The following HDAC8 variants were observed in gnomAD, a reference collection of about 807,000 sequenced individuals.
HDAC8 encodes histone deacetylase-like 1.
A neutral mutation model predicts 32.2 loss-of-function variants in HDAC8; 1 was observed. That is an observed-to-expected ratio of 0.03 (90% CI 0.01 to 0.15). The LOEUF (loss-of-function observed/expected upper bound fraction) is 0.15, where lower values mean the gene tolerates loss of function less well. Among genes scored for constraint, HDAC8 ranks in the 10% least tolerant of loss-of-function variants. The pLI is 1.00. For missense variants in HDAC8, 117 were observed against 300.0 expected (o/e 0.39, Z 4.51); for synonymous variants, 108 against 113.9 (o/e 0.95, Z 0.33).
At chrX:72,511,612 TG>T (rs1374588651) in intron 4 of HDAC8, among the ~76,000 whole-genome samples, 10 of 111,946 alleles carry the variant, frequency 8.9e-5, no homozygotes, top group Non-Finnish European at 1.9e-4. Context: ...TAGGAGGAAA[TG>T]CCATTGTGTT....
chrX:72,567,585 T>C (rs1454133842), intron 4 of HDAC8: 1 of 495,018 alleles, frequency 2.0e-6, no homozygotes, highest in Non-Finnish European at 3.4e-6. Flanking sequence ...GACTGTCTAG[T>C]TGTATCCTTT....
chrX:72,403,277 A>G (rs2045954048), intron 9 of HDAC8, among the ~76,000 whole-genome samples: 2 of 110,998 alleles, frequency 1.8e-5, no homozygotes, highest in Non-Finnish European at 3.8e-5. Flanking sequence ...TAACATTTTA[A>G]TTCATAATTT....
At chrX:72,404,176 C>A (rs1223152204) in intron 9 of HDAC8, among the ~76,000 whole-genome samples, 2 of 110,736 alleles carry the variant, frequency 1.8e-5, no homozygotes, top group Non-Finnish European at 3.8e-5. Flanking sequence ...TGTGTTTTTG[C>A]TGCTTTATTG....
chrX:72,437,351 G>A (rs2046981606), intron 9 of HDAC8, among the ~76,000 whole-genome samples: 1 of 112,076 alleles, frequency 8.9e-6, no homozygotes, highest in Admixed American at 9.4e-5. Flanking sequence ...CCACAGACCA[G>A]GAGATTCCCT....
intron 4 of HDAC8, among the ~76,000 whole-genome samples, chrX:72,501,289 C>T (rs1417423534): frequency 2.7e-5 from 3 of 111,687 alleles, no homozygotes; most frequent in African/African-American, 9.8e-5. Flanking sequence ...TCATATGGAA[C>T]CAAAAAAGAG....
intron 4 of HDAC8, among the ~76,000 whole-genome samples, chrX:72,566,918 G>T (rs782151446): frequency 8.9e-6 from 1 of 111,925 alleles, no homozygotes; most frequent in South Asian, 3.8e-4. Flanking sequence ...GGCCAAGGCA[G>T]GCAGATCACC....
At chrX:72,382,955 A>T (rs1295855379) in intron 9 of HDAC8, among the ~76,000 whole-genome samples, 1 of 112,223 alleles carries the variant, frequency 8.9e-6, no homozygotes, top group African/African-American at 3.2e-5. Flanking sequence ...CTCTCCCCCT[A>T]AAAAAGCTCC....
At chrX:72,439,862 C>T (rs1357159561) in intron 9 of HDAC8, among the ~76,000 whole-genome samples, 2 of 111,326 alleles carry the variant, frequency 1.8e-5, no homozygotes, top group African/African-American at 3.3e-5. Context: ...TAGACTCCCA[C>T]ACAATAAAAG....
intron 9 of HDAC8, among the ~76,000 whole-genome samples, chrX:72,387,908 A>C: frequency 9.0e-6 from 1 of 110,809 alleles, no homozygotes; most frequent in Middle Eastern, 4.6e-3. Flanking sequence ...TGTGTGTCAG[A>C]TATTATAGGA....
intron 7 of HDAC8, chrX:72,473,642 G>C: frequency 2.7e-6 from 2 of 746,567 alleles, no homozygotes; most frequent in Non-Finnish European, 3.2e-6. Context: ...CAGAGTTTTT[G>C]CTCTAAACCA....
chrX:72,539,815 A>G (rs1239631590), intron 4 of HDAC8, among the ~76,000 whole-genome samples: 1 of 111,657 alleles, frequency 9.0e-6, no homozygotes, highest in African/African-American at 3.3e-5. Context: ...AGTGAGAACA[A>G]TGGATGATTA....
At chrX:72,480,585 A>G in intron 7 of HDAC8, 1 of 241,804 alleles carries the variant, frequency 4.1e-6, no homozygotes, top group Non-Finnish European at 7.7e-6. Context: ...AAGTCATTCT[A>G]CTATAAAGAC....
At chrX:72,400,392 CT>C (rs1217369825) in intron 9 of HDAC8, among the ~76,000 whole-genome samples, 1 of 111,874 alleles carries the variant, frequency 8.9e-6, no homozygotes, top group Non-Finnish European at 1.9e-5. Flanking sequence ...CCAAACTGAA[CT>C]CTTTATCATC....
At chrX:72,494,521 G>C (rs1221723708) in intron 5 of HDAC8, among the ~76,000 whole-genome samples, 1 of 111,528 alleles carries the variant, frequency 9.0e-6, no homozygotes, top group Non-Finnish European at 1.9e-5. Flanking sequence ...TGTGGCAACT[G>C]TCACTGGAGC....
chrX:72,354,486 C>G (rs1031300149), intron 9 of HDAC8, among the ~76,000 whole-genome samples: 15 of 112,180 alleles, frequency 1.3e-4, no homozygotes, highest in Non-Finnish European at 1.9e-4. Flanking sequence ...ATTAACTCAC[C>G]AAGGGTTTAG....
intron 9 of HDAC8, among the ~76,000 whole-genome samples, chrX:72,412,830 C>T (rs1602729612): frequency 8.9e-6 from 1 of 112,020 alleles, no homozygotes; most frequent in South Asian, 3.7e-4. Flanking sequence ...ACATGACTGT[C>T]TTGAGGTAAC....
At chrX:72,424,058 T>C (rs2046564109) in intron 9 of HDAC8, among the ~76,000 whole-genome samples, 5 of 112,257 alleles carry the variant, frequency 4.5e-5, no homozygotes, top group Admixed American at 9.4e-5. Context: ...ATCTTTCCAA[T>C]TGCTTGGTAG....
chrX:72,467,935 G>T, intron 7 of HDAC8: 1 of 1,171,900 alleles, frequency 8.5e-7, no homozygotes, highest in East Asian at 3.1e-5. Flanking sequence ...AAGGCAGGCA[G>T]GTGTTTCTGG....
intron 8 of HDAC8, among the ~76,000 whole-genome samples, chrX:72,463,507 C>A (rs1327189675): frequency 8.9e-6 from 1 of 112,097 alleles, no homozygotes; most frequent in African/African-American, 3.2e-5. Flanking sequence ...TCTCTTCCCC[C>A]TCCTTAGCTG....
Sources: gnomAD v4.1 joint callset for allele counts (sites outside exome capture counted in the v4.1 genomes callset) on GRCh38, gnomAD v4.1.1 for gene constraint, MANE v1.5 for transcripts, NCBI Gene and HGNC (gene_info 2026-07-23, HGNC 2026-07-21) for gene names.